The following TJP1 variants were observed in gnomAD, a reference collection of about 807,000 sequenced individuals.
TJP1 encodes tight junction protein ZO-1.
In TJP1, 43 loss-of-function variants were observed where a neutral mutation model predicts 194.2. The ratio of observed to expected loss-of-function variants is 0.22; its 90% CI spans 0.17 to 0.29. The LOEUF (loss-of-function observed/expected upper bound fraction) is 0.29. Among genes scored for constraint, TJP1 ranks in the 10% least tolerant of loss-of-function variants. The probability of loss-of-function intolerance (pLI) is 1.00; values close to 1 mark genes in which losing one functional copy is unlikely to be tolerated. For missense variants in TJP1, 1,971 were observed against 2,185.7 expected (o/e 0.90, Z 1.96); for synonymous variants, 801 against 779.0 (o/e 1.03, Z -0.47).
At chr15:29,873,153 G>C (rs1339856590) in intron 2 of TJP1, among the ~76,000 whole-genome samples, 1 of 152,170 alleles carries the variant, frequency 6.6e-6, no homozygotes, top group Non-Finnish European at 1.5e-5. Flanking sequence ...GCCTGCTGTG[G>C]GTGAAGGGCA....
chr15:29,761,301 GT>G lies in TJP1; in HGVS notation c.863-16del. ...TTCTGAAATGTCTGTTAATAAAAGG[GT>G]GCTACTTATTTTCCCACAAAAATAA... On this transcript the variant is annotated splice_polypyrimidine_tract_variant and intron_variant, in intron 7 of 27. Coordinates refer to ENST00000614355, the MANE Select transcript of TJP1 (RefSeq NM_001330239.4). 1 of 1,613,552 alleles carries G rather than the reference GT, an allele frequency of 6.2e-7. No homozygotes were observed. Among genetic ancestry groups the G allele is most frequent in the Non-Finnish European group, 8.5e-7 (1 of 1,179,828 alleles).
At chr15:29,761,869 G>A in intron 6 of TJP1, 100 bp from the exon 7 acceptor site, 1 of 1,139,428 alleles carries the variant, frequency 8.8e-7, no homozygotes, top group Non-Finnish European at 1.2e-6. Context: ...TCCTTGCTAT[G>A]AAAACCAAAA....
intron 10 of TJP1, among the ~76,000 whole-genome samples, chr15:29,739,442 ATTTTTCT>A (rs971899220): frequency 4.0e-5 from 6 of 151,846 alleles, no homozygotes; most frequent in African/African-American, 9.7e-5. Context: ...GGTCTCTGGA[ATTTTTCT>A]TTTTTCTTTT....
At chr15:29,922,889 A>G (rs1238689151) in intron 2 of TJP1, among the ~76,000 whole-genome samples, 1 of 152,340 alleles carries the variant, frequency 6.6e-6, no homozygotes, top group East Asian at 1.9e-4. Context: ...CTACATAAAA[A>G]TGTACACTTC....
intron 1 of TJP1, among the ~76,000 whole-genome samples, chr15:29,961,610 C>T (rs910713338): frequency 5.9e-5 from 9 of 152,264 alleles, no homozygotes; most frequent in African/African-American, 2.2e-4. Context: ...TGATATGCAT[C>T]AAACGCTGAA....
intron 2 of TJP1, among the ~76,000 whole-genome samples, chr15:29,906,201 G>A (rs530303426): frequency 1.3e-5 from 2 of 152,160 alleles, no homozygotes; most frequent in Non-Finnish European, 2.9e-5. Context: ...GGCCGGGCGC[G>A]GTGGCTCACG....
chr15:29,959,171 A>C (rs1402229275), intron 1 of TJP1, among the ~76,000 whole-genome samples: 1 of 151,692 alleles, frequency 6.6e-6, no homozygotes. Flanking sequence ...CTGTATTTTT[A>C]GTAGAGACGG....
At chr15:29,726,518 A>C in intron 17 of TJP1, 39 bp from the exon 18 acceptor site, 8 of 1,585,832 alleles carry the variant, frequency 5.0e-6, no homozygotes, top group Non-Finnish European at 6.9e-6. Context: ...TGGTTAGAGC[A>C]CTGCCAAAAG....
At chr15:29,962,339 C>T (rs1344277747) in intron 1 of TJP1, among the ~76,000 whole-genome samples, 1 of 151,372 alleles carries the variant, frequency 6.6e-6, no homozygotes, top group Non-Finnish European at 1.5e-5. Flanking sequence ...CATTCTAAGA[C>T]AAACAACTCC....
chr15:29,861,996 A>G (rs1321819531), intron 2 of TJP1, among the ~76,000 whole-genome samples: 1 of 152,048 alleles, frequency 6.6e-6, no homozygotes, highest in Non-Finnish European at 1.5e-5. Flanking sequence ...TAGGTCTATG[A>G]TCCATTTTGA....
intron 5 of TJP1, among the ~76,000 whole-genome samples, chr15:29,765,219 G>A (rs1480922131): frequency 6.6e-6 from 1 of 152,246 alleles, no homozygotes; most frequent in East Asian, 1.9e-4. Context: ...GAGCGGAAAA[G>A]ATACCAGACC....
intron 2 of TJP1, among the ~76,000 whole-genome samples, chr15:29,927,501 G>A (rs965450519): frequency 6.6e-6 from 1 of 151,866 alleles, no homozygotes; most frequent in African/African-American, 2.4e-5. Context: ...GAGAAAAAGA[G>A]GAAAAAATAA....
intron 11 of TJP1, among the ~76,000 whole-genome samples, chr15:29,735,589 A>G (rs1319080562): frequency 2.7e-5 from 3 of 109,662 alleles, no homozygotes; most frequent in South Asian, 3.9e-4. Context: ...TGTCTCAAGG[A>G]AAAAAAAAAA....
At position 29,879,717 on chromosome 15, in the gene TJP1, CTT is replaced by C. The variant is rs1567160956; in HGVS notation, c.306+76513_306+76514del. Reference sequence around the variant, plus strand: ...ATATAGCTTAGACTCTCTTTTTTTTCTTTTTTCTTTTTGAGACAGGGTCTCAC... The same window carrying C: ...ATATAGCTTAGACTCTCTTTTTTTTCTTTTCTTTTTGAGACAGGGTCTCAC... On this transcript the variant is annotated intron_variant, in intron 2 of 28. Coordinates refer to the TJP1 transcript ENST00000356107. Among the ~76,000 whole-genome samples the C allele has an allele frequency of 2.1e-3, 183 of 89,268 alleles. 1 individual carries two copies. The highest frequency in any genetic ancestry group is 1.0e-2 in the African/African-American group (176 of 17,658). 58.6% of individuals were successfully genotyped at this position (89,268 alleles called of 152,430 possible).
chr15:29,753,984 A>T (rs1197580284), intron 8 of TJP1, among the ~76,000 whole-genome samples: 1 of 152,208 alleles, frequency 6.6e-6, no homozygotes, highest in African/African-American at 2.4e-5. Flanking sequence ...ACAAAAGACT[A>T]ACACCAATGA....
chr15:29,961,185 T>C (rs2056142499), intron 1 of TJP1, among the ~76,000 whole-genome samples: 1 of 152,126 alleles, frequency 6.6e-6, no homozygotes, highest in African/African-American at 2.4e-5. Context: ...CCAGCCCTGA[T>C]GGTGCAGATC....
chr15:29,746,255 G>A (rs2044767177), intron 8 of TJP1, among the ~76,000 whole-genome samples: 1 of 152,208 alleles, frequency 6.6e-6, no homozygotes, highest in Non-Finnish European at 1.5e-5. Flanking sequence ...GCGGGAGCCT[G>A]CAGTCCCAGC....
At chr15:29,760,012 T>A (rs45566132) in intron 8 of TJP1, 1 of 510,786 alleles carries the variant, frequency 2.0e-6, no homozygotes, top group South Asian at 3.2e-5. Context: ...TGCTAGTTCG[T>A]TCTGGTTTTA....
chr15:29,703,016 A>C (rs1336583332), intron 27 of TJP1, among the ~76,000 whole-genome samples: 1 of 152,252 alleles, frequency 6.6e-6, no homozygotes, highest in African/African-American at 2.4e-5. Context: ...GGAAGCTTTG[A>C]AATTATCTCA....
Sources: gnomAD v4.1 joint callset for allele counts (sites outside exome capture counted in the v4.1 genomes callset) on GRCh38, gnomAD v4.1.1 for gene constraint, MANE v1.5 for transcripts, NCBI Gene and HGNC (gene_info 2026-07-23, HGNC 2026-07-21) for gene names.